Variants in GPC6 observed in about 807,000 individuals in gnomAD.
GPC6 encodes glypican 6.
GPC6 carries 14 observed loss-of-function variants against 55.2 expected under a neutral mutation model. The ratio of observed to expected loss-of-function variants is 0.25; its 90% confidence interval spans 0.17 to 0.40. GPC6 has a LOEUF of 0.40. Ranked by LOEUF, GPC6 falls within the 10% of genes least tolerant of loss-of-function variation. The probability of loss-of-function intolerance (pLI) is 1.00; values close to 1 mark genes in which losing one functional copy is unlikely to be tolerated. For missense variants in GPC6, 641 were observed against 708.5 expected, an observed-to-expected ratio of 0.90 and a Z score of 1.08; for synonymous variants, 278 against 259.6, an observed-to-expected ratio of 1.07 and a Z score of -0.68.
chr13:94,192,200 A>G lies in GPC6; in HGVS notation c.878-94149A>G, dbSNP rs181580909. 2.7e-3 allele frequency among the ~76,000 whole-genome samples: 407 copies of G among 152,330 alleles called. 1 individual carries two copies. Among genetic ancestry groups the G allele is most frequent in the African/African-American group, 9.2e-3 (381 of 41,576 alleles). The stretch of plus-strand genomic sequence containing the variant: ...AATGCAGGCAACTCTGGAAGAAAAA[A>G]AAATGTGTTAACAGATAAATGGCTC... On this transcript the variant is annotated intron_variant, in intron 4 of 8. Coordinates refer to ENST00000377047, the MANE Select transcript of GPC6 (RefSeq NM_005708.5).
chr13:93,900,066 C>T (rs1876260446), intron 3 of GPC6, among the ~76,000 whole-genome samples: 1 of 152,152 alleles, frequency 6.6e-6, no homozygotes, highest in Non-Finnish European at 1.5e-5. Context: ...TTTCATCCTT[C>T]AACTATGAGT....
intron 1 of GPC6, among the ~76,000 whole-genome samples, chr13:93,526,567 T>C (rs1313092677): frequency 6.6e-6 from 1 of 152,058 alleles, no homozygotes; most frequent in Non-Finnish European, 1.5e-5. Context: ...CCGAGTACAG[T>C]AACATTTAAT....
At chr13:93,476,480 C>CG (rs1242602224) in intron 1 of GPC6, among the ~76,000 whole-genome samples, 1 of 151,984 alleles carries the variant, frequency 6.6e-6, no homozygotes, top group Non-Finnish European at 1.5e-5. Context: ...AATCCAACTG[C>CG]GGGGTTCTGC....
intron 1 of GPC6, among the ~76,000 whole-genome samples, chr13:93,454,864 G>C (rs1270319791): frequency 6.6e-6 from 1 of 152,238 alleles, no homozygotes; most frequent in East Asian, 1.9e-4. Context: ...GGCTTGGGCC[G>C]CACAGGAGCC....
intron 3 of GPC6, among the ~76,000 whole-genome samples, chr13:93,983,063 T>C (rs547638060): frequency 6.6e-6 from 1 of 152,318 alleles, no homozygotes; most frequent in South Asian, 2.1e-4. Context: ...TTCTGCCTTT[T>C]GCAAACTTTG....
At chr13:93,923,650 A>G (rs1421339280) in intron 3 of GPC6, among the ~76,000 whole-genome samples, 2 of 152,188 alleles carry the variant, frequency 1.3e-5, no homozygotes, top group South Asian at 4.1e-4. Flanking sequence ...CAAAGAAACC[A>G]ATCTCAGTTT....
At chr13:93,335,765 G>C (rs1880023421) in intron 1 of GPC6, among the ~76,000 whole-genome samples, 1 of 152,100 alleles carries the variant, frequency 6.6e-6, no homozygotes, top group Non-Finnish European at 1.5e-5. Context: ...TTGAGTTTCT[G>C]ACCTTTGCCT....
intron 7 of GPC6, among the ~76,000 whole-genome samples, chr13:94,396,244 G>A (rs1391379763): frequency 6.6e-6 from 1 of 152,104 alleles, no homozygotes; most frequent in Non-Finnish European, 1.5e-5. Flanking sequence ...ACCCCTTTGA[G>A]TGTGCTGTCT....
intron 2 of GPC6, among the ~76,000 whole-genome samples, chr13:93,586,955 T>A (rs1338570556): frequency 6.6e-6 from 1 of 152,150 alleles, no homozygotes; most frequent in African/African-American, 2.4e-5. Flanking sequence ...TTAATGTGTT[T>A]TTCATTATGT....
chr13:93,596,115 C>T (rs1485066782), intron 2 of GPC6, among the ~76,000 whole-genome samples: 1 of 152,106 alleles, frequency 6.6e-6, no homozygotes, highest in Non-Finnish European at 1.5e-5. Context: ...TTAATCTTTG[C>T]CCAATTCTCT....
intron 6 of GPC6, among the ~76,000 whole-genome samples, chr13:94,349,715 C>A (rs1485951600): frequency 1.3e-5 from 2 of 152,152 alleles, no homozygotes; most frequent in African/African-American, 4.8e-5. Flanking sequence ...TGCAACAGTT[C>A]CTTAAGGTTC....
chr13:93,719,693 C>A (rs1470429154), intron 2 of GPC6, among the ~76,000 whole-genome samples: 3 of 151,970 alleles, frequency 2.0e-5, no homozygotes, highest in African/African-American at 7.3e-5. Context: ...CAGCTTTTCC[C>A]CATTCAGTAT....
At chr13:94,221,658 T>C (rs768534963) in intron 4 of GPC6, among the ~76,000 whole-genome samples, 3 of 152,144 alleles carry the variant, frequency 2.0e-5, no homozygotes, top group Non-Finnish European at 4.4e-5. Context: ...TGTGTTTGAC[T>C]TGGAACTCCT....
At chr13:94,105,581 G>C (rs1290376543) in intron 4 of GPC6, among the ~76,000 whole-genome samples, 1 of 152,158 alleles carries the variant, frequency 6.6e-6, no homozygotes, top group Non-Finnish European at 1.5e-5. Context: ...CCTTTGAAAT[G>C]GACAGGCTGA....
intron 1 of GPC6, among the ~76,000 whole-genome samples, chr13:93,343,966 C>T (rs963803181): frequency 2.6e-5 from 4 of 152,178 alleles, no homozygotes; most frequent in Non-Finnish European, 4.4e-5. Flanking sequence ...ATCCACGTCA[C>T]CTCTTCAAAT....
At chr13:93,868,154 C>G (rs1166901419) in intron 3 of GPC6, among the ~76,000 whole-genome samples, 2 of 151,660 alleles carry the variant, frequency 1.3e-5, no homozygotes, top group African/African-American at 4.8e-5. Flanking sequence ...TTGGGTTAGA[C>G]CACAATGCTT....
intron 2 of GPC6, among the ~76,000 whole-genome samples, chr13:93,551,801 C>T (rs1875173342): frequency 6.6e-6 from 1 of 152,032 alleles, no homozygotes; most frequent in Non-Finnish European, 1.5e-5. Flanking sequence ...AATAGATTCC[C>T]TAGGAATTCA....
intron 4 of GPC6, among the ~76,000 whole-genome samples, chr13:94,247,308 T>A (rs914182986): frequency 2.6e-5 from 4 of 152,134 alleles, no homozygotes; most frequent in Admixed American, 2.6e-4. Flanking sequence ...ATAATTTTAC[T>A]TATTCCTTCC....
chr13:93,288,401 C>G (rs1878206748), intron 1 of GPC6, among the ~76,000 whole-genome samples: 1 of 152,072 alleles, frequency 6.6e-6, no homozygotes, highest in East Asian at 1.9e-4. Flanking sequence ...CTAATCAATC[C>G]AGATAAAAGA....
Sources: allele counts gnomAD v4.1 joint callset (sites outside exome capture counted in the v4.1 genomes callset), GRCh38; gene constraint gnomAD v4.1.1; transcripts MANE v1.5; gene names NCBI Gene and HGNC (gene_info 2026-07-23, HGNC 2026-07-21).